The following KANSL1L variants were observed in gnomAD, a reference collection of about 807,000 sequenced individuals.
The protein encoded by KANSL1L is KAT8 regulatory NSL complex subunit 1-like protein.
KANSL1L carries 25 observed loss-of-function variants against 108.6 expected under a neutral mutation model. The ratio of observed to expected loss-of-function variants is 0.23; its 90% confidence interval spans 0.17 to 0.32. The LOEUF (loss-of-function observed/expected upper bound fraction) is 0.32. Among genes scored for constraint, KANSL1L ranks in the 10% least tolerant of loss-of-function variants. KANSL1L has a pLI of 1.00. For missense variants in KANSL1L, 1,137 were observed against 1,125.7 expected, an observed-to-expected ratio of 1.01 and a Z score of -0.14; for synonymous variants, 405 against 395.1, an observed-to-expected ratio of 1.03 and a Z score of -0.30.
At chr2:210,120,910 TG>T (rs1301722812) in intron 3 of KANSL1L, among the ~76,000 whole-genome samples, 1 of 152,178 alleles carries the variant, frequency 6.6e-6, no homozygotes, top group Non-Finnish European at 1.5e-5. Flanking sequence ...TCAACATCAT[TG>T]ATCATTAGAG....
At chr2:210,024,280 C>A in intron 13 of KANSL1L, 79 bp from the exon 14 acceptor site, 1 of 1,117,014 alleles carries the variant, frequency 9.0e-7, no homozygotes, top group African/African-American at 1.6e-5. Flanking sequence ...CAAGGTATCA[C>A]TGAGTCAAGT....
intron 6 of KANSL1L, among the ~76,000 whole-genome samples, chr2:210,063,235 C>G (rs891695505): frequency 6.6e-6 from 1 of 152,212 alleles, no homozygotes; most frequent in Non-Finnish European, 1.5e-5. Flanking sequence ...GGTTTGGGAC[C>G]TCTGTCTAGA....
chr2:210,029,682 T>C (rs942342472), intron 10 of KANSL1L, 121 bp downstream of exon 10: 6 of 483,650 alleles, frequency 1.2e-5, no homozygotes, highest in African/African-American at 4.1e-5. Context: ...AAGATAGTTA[T>C]AAATGTCTGT....
At chr2:210,048,530 T>C (rs2094251269) in intron 6 of KANSL1L, among the ~76,000 whole-genome samples, 1 of 152,106 alleles carries the variant, frequency 6.6e-6, no homozygotes, top group African/African-American at 2.4e-5. Context: ...ATTCTAATAT[T>C]TGAAGTTATT....
chr2:210,024,586 G>T (rs1374337136), intron 13 of KANSL1L, among the ~76,000 whole-genome samples: 6 of 151,854 alleles, frequency 4.0e-5, no homozygotes, highest in Non-Finnish European at 8.8e-5. Flanking sequence ...ATATAAAATA[G>T]GAATTTTCTC....
At chr2:210,086,401 G>A (rs1465631057) in intron 5 of KANSL1L, among the ~76,000 whole-genome samples, 1 of 151,100 alleles carries the variant, frequency 6.6e-6, no homozygotes, top group African/African-American at 2.4e-5. Context: ...ATAATAAAAT[G>A]TAATGCTTCA....
rs978240252 is a variant in KANSL1L, at chr2:210,044,672, T to A, written c.1756-568A>T. 2.6e-5 allele frequency among the ~76,000 whole-genome samples: 4 copies of A among 152,188 alleles called. No homozygotes were observed. The highest frequency in any genetic ancestry group is 9.6e-5 in the African/African-American group (4 of 41,456). On this transcript the variant is annotated intron_variant, in intron 6 of 14. Transcript: ENST00000281772. The surrounding 1 kb of genome is among the most constrained non-coding windows in gnomAD (Gnocchi z 4.2). Reference sequence around the variant, plus strand: ...AACTTGAAAAAAAATATATTAATGTTGAATTTAATCATATGCTTTTTTTGA... The same window carrying A: ...AACTTGAAAAAAAATATATTAATGTAGAATTTAATCATATGCTTTTTTTGA...
At chr2:210,133,041 A>G (rs1054410305) in intron 2 of KANSL1L, among the ~76,000 whole-genome samples, 1 of 152,074 alleles carries the variant, frequency 6.6e-6, no homozygotes, top group African/African-American at 2.4e-5. Flanking sequence ...TGTGTCTTTT[A>G]AGCGATTAGC....
chr2:210,058,567 C>G (rs2094382725), intron 6 of KANSL1L, among the ~76,000 whole-genome samples: 1 of 152,146 alleles, frequency 6.6e-6, no homozygotes, highest in East Asian at 1.9e-4. Flanking sequence ...GGCGCAGTGG[C>G]TCATGCCTGT....
intron 4 of KANSL1L, among the ~76,000 whole-genome samples, chr2:210,098,578 A>T (rs890735069): frequency 6.6e-6 from 1 of 152,160 alleles, no homozygotes. Context: ...GCATTATATT[A>T]GGCACCACAC....
chr2:210,029,164 C>G, intron 10 of KANSL1L, 195 bp from the exon 11 acceptor site: 1 of 513,254 alleles, frequency 1.9e-6, no homozygotes, highest in Non-Finnish European at 3.4e-6. Context: ...TCAGAACAAT[C>G]TCTTGGTAGA....
intron 3 of KANSL1L, among the ~76,000 whole-genome samples, chr2:210,116,561 C>G (rs1474314144): frequency 6.6e-6 from 1 of 152,064 alleles, no homozygotes; most frequent in Non-Finnish European, 1.5e-5. Context: ...CTGTGTTTCC[C>G]TGGGGGAAAG....
rs537828129 is a variant in KANSL1L, at chr2:210,042,816, T to C, written c.1921+1123A>G. 2.6e-5 allele frequency among the ~76,000 whole-genome samples: 4 copies of C among 152,292 alleles called. No individual in the cohort carries two copies. In the South Asian group the frequency reaches 8.3e-4, roughly 32 times the overall value. ...TTGTTAAAAACTTAAATCAAGGTAA[T>C]GGTGTAGCTAAGAAACCACTCTACT... On this transcript the variant is annotated intron_variant, in intron 7 of 14. Coordinates refer to ENST00000281772, the MANE Select transcript of KANSL1L (RefSeq NM_152519.4).
intron 3 of KANSL1L, among the ~76,000 whole-genome samples, chr2:210,124,098 A>T (rs2095045148): frequency 6.6e-6 from 1 of 152,194 alleles, no homozygotes; most frequent in African/African-American, 2.4e-5. Flanking sequence ...GGACACAACA[A>T]CTAGATGGAA....
chr2:210,070,546 A>G (rs555482281), intron 6 of KANSL1L, among the ~76,000 whole-genome samples: 2 of 152,078 alleles, frequency 1.3e-5, no homozygotes, highest in South Asian at 4.2e-4. Flanking sequence ...TTTCTCTTAT[A>G]AGGACGCCAA....
chr2:210,154,200 T>C lies in KANSL1L; in HGVS notation c.383A>G (p.His128Arg), dbSNP rs150968765. ...NIQLSKICLS[H>R]SEEFIKKEPL... is the part of the protein sequence containing the mutation. ...CTCCTTTTTGATGAACTCTTCAGAATGAGAAAGACAGATTTTACTGAGCTG... is the reference window on the plus strand; with the variant it reads ...CTCCTTTTTGATGAACTCTTCAGAACGAGAAAGACAGATTTTACTGAGCTG... The change falls in exon 2 of 15, where the codon CAT becomes CGT. Residue 128 changes from histidine (H) to arginine (R), a missense_variant. Physicochemically the swap from His to Arg is conservative, Grantham distance 29 (BLOSUM62 0). Transcript: ENST00000281772. 1.2e-6 allele frequency: 2 copies of C among 1,614,120 alleles called. No homozygotes were observed. Among genetic ancestry groups the C allele is most frequent in the Non-Finnish European group, 8.5e-7 (1 of 1,179,980 alleles).
intron 1 of KANSL1L, among the ~76,000 whole-genome samples, chr2:210,163,375 T>G (rs1249715975): frequency 6.6e-6 from 1 of 152,156 alleles, no homozygotes; most frequent in Non-Finnish European, 1.5e-5. Flanking sequence ...ATAATGTCTT[T>G]GATGGGCTTA....
rs750929569 is a variant in KANSL1L at position 210,154,097 on chromosome 2, A to G, written c.486T>C (p.Asn162=). 6.2e-6 allele frequency: 10 copies of G among 1,613,816 alleles called. No homozygotes were observed. The South Asian group carries it at 8.8e-5, about 14-fold the overall frequency. ...ILDSNITKDT[N]VDKVQLQNCK... ...AGTTTTGTAGTTGTACTTTATCTAC[A>G]TTAGTGTCTTTGGTTATATTTGAAT... The change falls in exon 2 of 15, where the codon AAT becomes AAC. Residue 162 remains asparagine, a synonymous_variant. Transcript: ENST00000281772.
At chr2:210,072,476 G>T (rs2094514668) in intron 6 of KANSL1L, among the ~76,000 whole-genome samples, 1 of 152,160 alleles carries the variant, frequency 6.6e-6, no homozygotes, top group Admixed American at 6.6e-5. Context: ...AACTTTTTTG[G>T]CAACAGGGAC....
Sources: gnomAD v4.1 joint callset for allele counts (sites outside exome capture counted in the v4.1 genomes callset) on GRCh38, gnomAD v4.1.1 for gene constraint, Gnocchi (gnomAD v3.1) non-coding constraint, MANE v1.5 for transcripts, NCBI Gene and HGNC (gene_info 2026-07-23, HGNC 2026-07-21) for gene names.